FAM135A: variants seen among roughly 807,000 people sequenced by gnomAD.
The protein encoded by FAM135A is protein FAM135A.
FAM135A carries 79 observed loss-of-function variants against 146.8 expected under a neutral mutation model. The ratio of observed to expected loss-of-function variants is 0.54; its 90% CI spans 0.45 to 0.65. The LOEUF (loss-of-function observed/expected upper bound fraction) is 0.65, where lower values mean the gene tolerates loss of function less well. Among genes scored for constraint, FAM135A ranks in the 30% least tolerant of loss-of-function variants. FAM135A has a pLI of 0.00. For missense variants in FAM135A, 1,623 were observed against 1,758.2 expected (o/e 0.92, Z 1.38); for synonymous variants, 562 against 603.6 (o/e 0.93, Z 1.01).
chr6:70,536,857 G>A (rs1796884035), intron 19 of FAM135A, among the ~76,000 whole-genome samples: 1 of 151,316 alleles, frequency 6.6e-6, no homozygotes, highest in Non-Finnish European at 1.5e-5. Context: ...CAGAATTTCT[G>A]AAGAAGTTAA....
chr6:70,507,759 G>A (rs1790112160), intron 12 of FAM135A, among the ~76,000 whole-genome samples: 2 of 151,940 alleles, frequency 1.3e-5, no homozygotes, highest in South Asian at 4.2e-4. Context: ...ATAGTTACAG[G>A]TGACCCATAC....
At chr6:70,425,070 T>A (rs141151394) in intron 2 of FAM135A, among the ~76,000 whole-genome samples, 1 of 149,172 alleles carries the variant, frequency 6.7e-6, no homozygotes, top group African/African-American at 2.4e-5. Context: ...AGCATTATGC[T>A]ATTCATATAT....
At chr6:70,500,735 C>T (rs900503047) in intron 11 of FAM135A, among the ~76,000 whole-genome samples, 4 of 152,186 alleles carry the variant, frequency 2.6e-5, no homozygotes, top group Admixed American at 6.5e-5. Context: ...AACAGTAAGG[C>T]CCCTCTGCTG....
At chr6:70,477,447 T>C in intron 8 of FAM135A, 115 bp downstream of exon 8, 1 of 1,110,186 alleles carries the variant, frequency 9.0e-7, no homozygotes, top group Non-Finnish European at 1.2e-6. Flanking sequence ...TTCTTCAGGC[T>C]GTACAGGAAG....
Position 70,502,730 on chromosome 6 carries a change from A to G in FAM135A, c.968A>G (p.Glu323Gly). 6.2e-6 allele frequency: 10 copies of G among 1,613,316 alleles called. No homozygotes were observed. Among genetic ancestry groups the G allele is most frequent in the Non-Finnish European group, 8.5e-6 (10 of 1,179,540 alleles). ...ATGGCTTTATGGGGACAGTTTCTGG[A>G]AGTTATAACGCTACACGAAGAACTA... ...LLMALWGQFL[E>G]VITLHEELRI... Residue 323 changes from glutamate to glycine, a missense_variant, in exon 12 of 22, where the codon GAA becomes GGA. This residue lies in a region of FAM135A where 206 missense variants were observed against 194.7 expected (regional missense o/e 1.06). Transcript: ENST00000418814.
intron 12 of FAM135A, among the ~76,000 whole-genome samples, chr6:70,514,101 C>A (rs554496754): frequency 1.1e-4 from 16 of 151,418 alleles, no homozygotes; most frequent in African/African-American, 3.4e-4. Flanking sequence ...TATTTTCTGC[C>A]CCATTTCTTT....
At chr6:70,507,454 A>G (rs1259310213) in intron 12 of FAM135A, among the ~76,000 whole-genome samples, 3 of 152,196 alleles carry the variant, frequency 2.0e-5, no homozygotes, top group Admixed American at 6.5e-5. Context: ...ATTCAGAAGC[A>G]GCACAATTGA....
At chr6:70,488,723 T>C (rs1785223414) in intron 10 of FAM135A, among the ~76,000 whole-genome samples, 1 of 152,118 alleles carries the variant, frequency 6.6e-6, no homozygotes. Context: ...TATGCAATCA[T>C]GACATATTCA....
At chr6:70,539,362 A>G (rs571717903) in intron 20 of FAM135A, among the ~76,000 whole-genome samples, 200 of 152,282 alleles carry the variant, frequency 1.3e-3, no homozygotes, top group Middle Eastern at 3.4e-3. Flanking sequence ...TCTCTTTGCA[A>G]CTACTTAACA....
intron 4 of FAM135A, among the ~76,000 whole-genome samples, chr6:70,449,883 T>A (rs1414125203): frequency 6.6e-6 from 1 of 152,222 alleles, no homozygotes; most frequent in Non-Finnish European, 1.5e-5. Context: ...TCACCAATAG[T>A]GTGCAGTGGT....
chr6:70,436,730 T>C (rs1773256033), intron 4 of FAM135A, among the ~76,000 whole-genome samples: 1 of 152,214 alleles, frequency 6.6e-6, no homozygotes, highest in African/African-American at 2.4e-5. Context: ...AGAAAGGATG[T>C]CTGCAGTCTT....
chr6:70,502,570 CATT>C lies in FAM135A; in HGVS notation c.874-63_874-61del, dbSNP rs1788798848. On this transcript the variant is annotated intron_variant, in intron 11 of 21. Transcript: ENST00000418814. ...GCCTTTGTATTAATATTCTCAATAA[CATT>C]ATATTTAAGTATGTTACATTAAATC... 9 of 1,499,050 alleles carry C rather than the reference CATT, an allele frequency of 6.0e-6. No individual in the cohort carries two copies. In the African/African-American group the frequency reaches 7.1e-5, roughly 12 times the overall value. 92.9% of individuals were successfully genotyped at this position (1,499,050 alleles called of 1,614,324 possible). A position where few individuals can be genotyped will look rare whatever the true frequency, so the allele number is the denominator to read the frequency against.
chr6:70,538,372 C>A lies in FAM135A; in HGVS notation c.4199C>A (p.Thr1400Asn). ...CGAGATCACTCAGACCCTCGCCAAA[C>A]TTTTTTATATAAGCTTAGTAACAAA... ...TCRDHSDPRQ[T>N]FLYKLSNKAG... is the part of the protein sequence containing the mutation. The change falls in exon 20 of 22, where the codon ACT becomes AAT. Residue 1400 changes from threonine to asparagine, a missense_variant. Coordinates refer to ENST00000418814, the MANE Select transcript of FAM135A (RefSeq NM_001162529.3). The A allele has an allele frequency of 2.0e-6, 3 of 1,507,492 alleles. No individual in the cohort carries two copies. Among genetic ancestry groups the A allele is most frequent in the East Asian group, 2.3e-5 (1 of 42,908 alleles). The allele number at this position is 1,507,492 out of a possible 1,614,324, so 93.4% of individuals were successfully genotyped here.
intron 5 of FAM135A, among the ~76,000 whole-genome samples, chr6:70,459,235 C>T (rs1013678954): frequency 6.6e-6 from 1 of 152,012 alleles, no homozygotes; most frequent in East Asian, 1.9e-4. Context: ...CTAAATTTTA[C>T]CATAATTCGT....
intron 12 of FAM135A, among the ~76,000 whole-genome samples, chr6:70,515,964 CA>C (rs1792096442): frequency 6.6e-6 from 1 of 151,814 alleles, no homozygotes; most frequent in Admixed American, 6.6e-5. Flanking sequence ...CCTACTTATT[CA>C]AACATTTCAA....
intron 20 of FAM135A, among the ~76,000 whole-genome samples, chr6:70,551,559 C>T (rs1799839091): frequency 6.6e-6 from 1 of 152,196 alleles, no homozygotes; most frequent in Non-Finnish European, 1.5e-5. Flanking sequence ...CGCAATGAGT[C>T]ATGATTGCAC....
intron 8 of FAM135A, among the ~76,000 whole-genome samples, chr6:70,479,833 ATTTC>A (rs1783379149): frequency 6.6e-6 from 1 of 151,996 alleles, no homozygotes; most frequent in South Asian, 2.1e-4. Context: ...GTGGCTTAGG[ATTTC>A]TTTCTTTGCT....
chr6:70,447,604 G>T (rs1776063108), intron 4 of FAM135A, among the ~76,000 whole-genome samples: 1 of 152,198 alleles, frequency 6.6e-6, no homozygotes. Context: ...CATTGTACAG[G>T]GGTGAGGGAA....
chr6:70,508,154 T>C (rs1306569605), intron 12 of FAM135A, among the ~76,000 whole-genome samples: 1 of 152,206 alleles, frequency 6.6e-6, no homozygotes. Context: ...TATTTTATAA[T>C]GCACAGCAAG....
Sources: gnomAD v4.1 joint callset for allele counts (sites outside exome capture counted in the v4.1 genomes callset) on GRCh38, gnomAD v4.1.1 for gene constraint, gnomAD v4.1.1 regional missense constraint, MANE v1.5 for transcripts, NCBI Gene and HGNC (gene_info 2026-07-23, HGNC 2026-07-21) for gene names.